TRIM14: variants seen among roughly 807,000 people sequenced by gnomAD.
TRIM14 encodes tripartite motif containing 14.
TRIM14 carries 28 observed loss-of-function variants against 44.5 expected under a neutral mutation model. The observed-to-expected ratio is 0.63, with a 90% confidence interval of 0.47 to 0.86. The LOEUF (loss-of-function observed/expected upper bound fraction) is 0.86. Ranked by LOEUF, TRIM14 falls within the 40% of genes least tolerant of loss-of-function variation. TRIM14 has a pLI of 0.00. For synonymous variants in TRIM14, 299 were observed against 269.2 expected, an observed-to-expected ratio of 1.11 and a Z score of -1.08; for missense variants, 607 against 611.1, an observed-to-expected ratio of 0.99 and a Z score of 0.07.
At chr9:98,059,846 C>G in the TRIM14 span, among the ~76,000 whole-genome samples, 1 of 151,986 alleles carries the variant, frequency 6.6e-6, no homozygotes, top group African/African-American at 2.4e-5. Flanking sequence ...AACATGTAAC[C>G]TGTTCAAAGA....
At position 98,087,016 on chromosome 9, in the gene TRIM14, G is replaced by A. The variant is rs925202745; in HGVS notation, c.*454C>T. The A allele has an allele frequency of 1.1e-5, 3 of 279,078 alleles. 1 individual carries two copies. The highest frequency in any genetic ancestry group is 4.5e-5 in the African/African-American group (2 of 44,560). 17.3% of individuals were successfully genotyped at this position (279,078 alleles called of 1,614,324 possible). On this transcript the variant is annotated 3_prime_UTR_variant, in exon 6 of 6. Transcript: ENST00000341469. Reference sequence around the variant, plus strand: ...ACGCTGAAATCGGTGGGGAGGAAGCGGAAGATTCAAGGGACCTCAAGAGAC... The same window carrying A: ...ACGCTGAAATCGGTGGGGAGGAAGCAGAAGATTCAAGGGACCTCAAGAGAC...
chr9:98,061,199 G>C, the TRIM14 span: 3 of 576,686 alleles, frequency 5.2e-6, no homozygotes, highest in South Asian at 6.1e-5. Flanking sequence ...GTCTCTGGCC[G>C]GGCTTGATGG....
At chr9:98,091,413 C>T (rs902156385) in intron 5 of TRIM14, among the ~76,000 whole-genome samples, 1 of 152,074 alleles carries the variant, frequency 6.6e-6, no homozygotes, top group Admixed American at 6.6e-5. Flanking sequence ...GCCATGACTG[C>T]ACCACTGCAC....
At chr9:98,090,417 T>C (rs1212559803) in intron 5 of TRIM14, among the ~76,000 whole-genome samples, 1 of 152,148 alleles carries the variant, frequency 6.6e-6, no homozygotes, top group African/African-American at 2.4e-5. Flanking sequence ...GGATCCCCTT[T>C]GGGGATAGTA....
chr9:98,056,658 G>C, the TRIM14 span: 1 of 1,207,916 alleles, frequency 8.3e-7, no homozygotes. Flanking sequence ...GAGAGGCGGG[G>C]CCTAGGGGAT....
At chr9:98,061,088 C>T in the TRIM14 span, 308 of 1,230,440 alleles carry the variant, frequency 2.5e-4, no homozygotes, top group African/African-American at 2.8e-3. Flanking sequence ...CCACCTCCAG[C>T]CCTTGCTCAT....
chr9:98,073,853 C>T (rs1017019611), intron 6 of TRIM14, among the ~76,000 whole-genome samples: 3 of 151,992 alleles, frequency 2.0e-5, no homozygotes, highest in Non-Finnish European at 4.4e-5. Context: ...GTGACACGAC[C>T]TCAGCTCAGT....
the TRIM14 span, among the ~76,000 whole-genome samples, chr9:98,040,680 C>T: frequency 0.25 from 37,489 of 149,456 alleles, 5,066 homozygotes; most frequent in Non-Finnish European, 0.3. Flanking sequence ...TTTTTTGAGA[C>T]GGAGTCTCGC....
At position 98,091,887 on chromosome 9, in the gene TRIM14, T is replaced by TC. The variant is rs754828844; in HGVS notation, c.793+21dup. ...CACCATCTCCACCGTCTCCACCCTATCCCCACTCCCGGGGGTCTTACATTT... is the reference window on the plus strand; with the variant it reads ...CACCATCTCCACCGTCTCCACCCTATCCCCCACTCCCGGGGGTCTTACATTT... On this transcript the variant is annotated intron_variant, in intron 5 of 5. Coordinates refer to ENST00000341469, the MANE Select transcript of TRIM14 (RefSeq NM_014788.4). 2.6e-6 allele frequency: 4 copies of TC among 1,558,118 alleles called. No individual in the cohort carries two copies. In the South Asian group the frequency reaches 5.0e-5, roughly 19 times the overall value.
chr9:98,053,802 A>AAAATAAAC, the TRIM14 span, among the ~76,000 whole-genome samples: 1 of 146,356 alleles, frequency 6.8e-6, no homozygotes, highest in Admixed American at 6.9e-5. Context: ...AGCCCACTAC[A>AAAATAAAC]AAATAAATAA....
chr9:98,075,150 T>TA (rs200760287), intron 6 of TRIM14: 401 of 137,760 alleles, frequency 2.9e-3, no homozygotes, highest in African/African-American at 5.8e-3. Context: ...CACAGCAAAT[T>TA]AAAAAAAAAA....
rs76877912 is a variant in TRIM14, at chr9:98,092,454, G to A, written c.701-453C>T. ...CCCCACACCCTTCCCCCCTTGCCCA[G>A]GTTGCCTCCTTCCCAGCTATTGGGG... On this transcript the variant is annotated intron_variant, in intron 4 of 5. Transcript: ENST00000341469. The A allele has an allele frequency of 1.3e-3, 489 of 362,870 alleles. 1 individual carries two copies. The highest frequency in any genetic ancestry group is 2.4e-3 in the Non-Finnish European group (423 of 179,854). The allele number at this position is 362,870 out of a possible 1,614,324, so 22.5% of individuals were successfully genotyped here.
downstream of TRIM14, chr9:98,080,863 T>C (rs1461264347): frequency 1.9e-6 from 3 of 1,612,126 alleles, no homozygotes; most frequent in South Asian, 1.1e-5. Context: ...ATTCTGGGCA[T>C]GAAACAGGCA....
the TRIM14 span, among the ~76,000 whole-genome samples, chr9:98,044,024 T>TC: frequency 7.7e-6 from 1 of 130,248 alleles, no homozygotes; most frequent in East Asian, 2.0e-4. Context: ...TTTTTTTTTT[T>TC]CTTAAAAGGA....
chr9:98,053,625 G>A, the TRIM14 span, among the ~76,000 whole-genome samples: 1 of 139,548 alleles, frequency 7.2e-6, no homozygotes, highest in Non-Finnish European at 1.5e-5. Flanking sequence ...AGAGGAGACA[G>A]TGATGTTTAA....
In TRIM14 at chr9:98,084,614, C is replaced by T. The variant is rs532365883; in HGVS notation, c.*2856G>A. ...AGTAGTCTCAGCACTCGGTCAGTAC[C>T]GTGCAAGCTCCCTTGGGAATGCTGA... On this transcript the variant is annotated 3_prime_UTR_variant, in exon 6 of 6. Coordinates refer to ENST00000341469, the MANE Select transcript of TRIM14 (RefSeq NM_014788.4). The T allele has an allele frequency of 1.1e-4, 16 of 152,298 alleles. No individual in the cohort carries two copies. In the South Asian group the frequency reaches 1.2e-3, roughly 12 times the overall value. 9.4% of individuals were successfully genotyped at this position (152,298 alleles called of 1,614,324 possible). A position where few individuals can be genotyped will look rare whatever the true frequency, so the allele number is the denominator to read the frequency against.
chr9:98,115,551 T>A (rs1276233249), intron 1 of TRIM14, among the ~76,000 whole-genome samples: 2 of 152,006 alleles, frequency 1.3e-5, no homozygotes, highest in African/African-American at 4.8e-5. Flanking sequence ...CCCAGCACAA[T>A]TTTTGTATTT....
chr9:98,036,627 C>A, the TRIM14 span, among the ~76,000 whole-genome samples: 3 of 151,866 alleles, frequency 2.0e-5, no homozygotes, highest in African/African-American at 7.3e-5. Context: ...CATGGAGAAA[C>A]CCCATCTCTA....
the TRIM14 span, among the ~76,000 whole-genome samples, chr9:98,046,888 G>A: frequency 6.6e-6 from 1 of 152,160 alleles, no homozygotes; most frequent in African/African-American, 2.4e-5. Flanking sequence ...GATTAGGCAC[G>A]TACAGGACCT....
Sources: gnomAD v4.1 joint callset for allele counts (sites outside exome capture counted in the v4.1 genomes callset) on GRCh38, gnomAD v4.1.1 for gene constraint, MANE v1.5 for transcripts, NCBI Gene and HGNC (gene_info 2026-07-23, HGNC 2026-07-21) for gene names.